IFT140: variants seen among roughly 807,000 people sequenced by gnomAD.
IFT140 encodes intraflagellar transport 140, also known as intraflagellar transport protein 140 homolog.
In IFT140, 133 loss-of-function variants were observed where a neutral mutation model predicts 164.6. That is an observed-to-expected ratio of 0.81 (90% CI 0.70 to 0.93). The LOEUF is 0.93. Among genes scored for constraint, IFT140 ranks in the 40% least tolerant of loss-of-function variants. The pLI is 0.00. For missense variants in IFT140, 2,045 were observed against 1,972.3 expected (o/e 1.04, Z -0.70); for synonymous variants, 860 against 817.3 (o/e 1.05, Z -0.89).
intron 17 of IFT140, 108 bp downstream of exon 17, chr16:1,563,889 A>C: frequency 8.3e-7 from 1 of 1,209,842 alleles, no homozygotes; most frequent in Admixed American, 2.7e-5. Context: ...GGCCTCCCAC[A>C]GTGCCGGGAT....
intron 4 of IFT140, among the ~76,000 whole-genome samples, chr16:1,594,226 G>GT (rs57833692): frequency 0.12 from 16,840 of 144,226 alleles, 1,306 homozygotes; most frequent in Admixed American, 0.2. Flanking sequence ...AAAGTTTTTT[G>GT]TTTTTTTTTT....
chr16:1,523,917 G>A lies in IFT140; in HGVS notation c.3181C>T (p.Leu1061=). Residue 1061 remains leucine (L), a synonymous_variant, in exon 25 of 31, where the codon CTG becomes TTG. Transcript: ENST00000426508. Reference sequence around the variant, plus strand: ...TCGATCATGTCCTCGGGGGAGCTCAGCAGGGCCAAGTTCATGAGCTGGTCG... The same window carrying A: ...TCGATCATGTCCTCGGGGGAGCTCAACAGGGCCAAGTTCATGAGCTGGTCG... ...LDDQLMNLAL[L]SSPEDMIEAA... The A allele has an allele frequency of 5.6e-6, 9 of 1,613,310 alleles. No individual in the cohort carries two copies. Among genetic ancestry groups the A allele is most frequent in the Non-Finnish European group, 7.6e-6 (9 of 1,180,016 alleles).
In IFT140 at chr16:1,595,668, A is replaced by G. The variant is rs1260758225; in HGVS notation, c.370-3080T>C. Among the ~76,000 whole-genome samples the G allele has an allele frequency of 2.6e-5, 4 of 152,316 alleles. No homozygotes were observed. The South Asian group carries it at 6.2e-4, about 24-fold the overall frequency. On this transcript the variant is annotated intron_variant, in intron 4 of 30. Transcript: ENST00000426508. ...AGAAAGGTTTTGCAAGATCTATTAAAATAGCATGTGGCATGTAAGTACACG... is the reference window on the plus strand; with the variant it reads ...AGAAAGGTTTTGCAAGATCTATTAAGATAGCATGTGGCATGTAAGTACACG...
At chr16:1,610,919 C>T (rs1486202016) in intron 1 of IFT140, 66 bp from the exon 2 acceptor site, 1 of 152,396 alleles carries the variant, frequency 6.6e-6, no homozygotes, top group African/African-American at 2.4e-5. Context: ...GCGTCTGGGT[C>T]CCCTTTGTGT....
At chr16:1,568,498 A>T (rs980092700) in intron 14 of IFT140, among the ~76,000 whole-genome samples, 164 bp from the exon 15 acceptor site, 3 of 152,254 alleles carry the variant, frequency 2.0e-5, no homozygotes, top group South Asian at 4.1e-4. Context: ...CGCAAAACAC[A>T]GGGTGAGTTC....
chr16:1,513,874 C>A (rs553603234), intron 30 of IFT140, among the ~76,000 whole-genome samples: 1 of 142,542 alleles, frequency 7.0e-6, no homozygotes, highest in African/African-American at 2.7e-5. Context: ...GGGGTTTCAC[C>A]GTGTTAGCCA....
At chr16:1,518,022 G>A in intron 30 of IFT140, 194 bp downstream of exon 30, 1 of 508,866 alleles carries the variant, frequency 2.0e-6, no homozygotes, top group Non-Finnish European at 3.5e-6. Context: ...CCTTTTTGTA[G>A]AGATGGGGTT....
intron 19 of IFT140, chr16:1,540,857 T>C: frequency 1.0e-6 from 1 of 985,472 alleles, no homozygotes; most frequent in Non-Finnish European, 1.2e-6. Flanking sequence ...GATGACAGGC[T>C]AGGGACTCTG....
rs745576178 is a variant in IFT140, at chr16:1,524,860, G to A, written c.2921C>T (p.Ala974Val). The A allele has an allele frequency of 1.2e-5, 19 of 1,612,980 alleles. No individual in the cohort carries two copies. The highest frequency in any genetic ancestry group is 4.4e-5 in the South Asian group (4 of 91,088). ...YLESQGEMDA[A>V]LHYYELARDH... ...CCGGGCCAGCTCGTAGTAGTGCAGCGCGGCGTCCATCTCGCCCTGGCTCTC... is the reference window on the plus strand; with the variant it reads ...CCGGGCCAGCTCGTAGTAGTGCAGCACGGCGTCCATCTCGCCCTGGCTCTC... Residue 974 changes from alanine (A) to valine (V), a missense_variant, in exon 23 of 31, where the codon GCG becomes GTG. Transcript: ENST00000426508.
chr16:1,568,171 A>C, intron 15 of IFT140, 46 bp downstream of exon 15: 4 of 1,373,464 alleles, frequency 2.9e-6, no homozygotes, highest in Non-Finnish European at 4.1e-6. Context: ...CTGGGAGGAC[A>C]GAGGTGAGGA....
intron 4 of IFT140, among the ~76,000 whole-genome samples, chr16:1,600,753 G>A (rs1165217838): frequency 6.6e-6 from 1 of 152,118 alleles, no homozygotes; most frequent in African/African-American, 2.4e-5. Flanking sequence ...GAGGAAATCA[G>A]GAGACAATGT....
At chr16:1,543,151 C>T (rs113697158) in intron 19 of IFT140, among the ~76,000 whole-genome samples, 8 of 152,234 alleles carry the variant, frequency 5.3e-5, no homozygotes, top group Non-Finnish European at 1.0e-4. Flanking sequence ...GCGAGCATGT[C>T]GGCCCATGGC....
At chr16:1,519,200 A>G (rs1342175274) in intron 29 of IFT140, among the ~76,000 whole-genome samples, 1 of 152,202 alleles carries the variant, frequency 6.6e-6, no homozygotes, top group Non-Finnish European at 1.5e-5. Flanking sequence ...ACCGCTTTGT[A>G]CGACCTTGTT....
intron 17 of IFT140, among the ~76,000 whole-genome samples, chr16:1,562,458 C>T (rs188815635): frequency 1.6e-3 from 244 of 152,252 alleles, no homozygotes; most frequent in African/African-American, 5.5e-3. Context: ...CCCTCTTTGG[C>T]GGCTTTACTC....
Position 1,557,921 on chromosome 16 carries a change from G to A in IFT140, c.2399+14C>T. ...CGCGCTATCTCCCAACATCCCAGTG[G>A]TCGGGATCCTCACCTTTTGATGAGC... On this transcript the variant is annotated intron_variant, in intron 19 of 30. Coordinates refer to ENST00000426508, the MANE Select transcript of IFT140 (RefSeq NM_014714.4). 1 of 1,611,446 alleles carries A rather than the reference G, an allele frequency of 6.2e-7. No homozygotes were observed. Among genetic ancestry groups the A allele is most frequent in the Non-Finnish European group, 8.5e-7 (1 of 1,178,452 alleles).
chr16:1,610,628 A>G (rs1181077475), intron 2 of IFT140, 36 bp downstream of exon 2: 1 of 152,216 alleles, frequency 6.6e-6, no homozygotes, highest in Admixed American at 6.5e-5. Flanking sequence ...GCTCCTAAGG[A>G]CCTGGGTCGG....
intron 11 of IFT140, among the ~76,000 whole-genome samples, chr16:1,583,744 T>C (rs1023985746): frequency 3.3e-5 from 5 of 152,160 alleles, no homozygotes; most frequent in African/African-American, 9.6e-5. Context: ...ATATTTTTTA[T>C]TATTATGTTC....
In IFT140 at chr16:1,525,871, C is replaced by T. The variant is rs1327073113; in HGVS notation, c.2768+16G>A. The stretch of plus-strand genomic sequence containing the variant: ...ATCCAGAGAGGCAGGGAAGAGGCCG[C>T]GAGGGCCGCACTCACTAACTGAGGG... On this transcript the variant is annotated intron_variant, in intron 21 of 30. Transcript: ENST00000426508. The T allele has an allele frequency of 1.3e-5, 19 of 1,510,990 alleles. No homozygotes were observed. The highest frequency in any genetic ancestry group is 9.9e-5 in the East Asian group (4 of 40,522). The allele number at this position is 1,510,990 out of a possible 1,614,324, so 93.6% of individuals were successfully genotyped here. A position where few individuals can be genotyped will look rare whatever the true frequency, so the allele number is the denominator to read the frequency against.
intron 19 of IFT140, among the ~76,000 whole-genome samples, chr16:1,550,253 A>G (rs532723557): frequency 6.6e-6 from 1 of 152,262 alleles, no homozygotes; most frequent in Non-Finnish European, 1.5e-5. Flanking sequence ...CGTCTTCTAT[A>G]TTTAGAAACA....
Sources: allele counts gnomAD v4.1 joint callset (sites outside exome capture counted in the v4.1 genomes callset), GRCh38; gene constraint gnomAD v4.1.1; transcripts MANE v1.5; gene names NCBI Gene and HGNC (gene_info 2026-07-23, HGNC 2026-07-21).